The following FAM181A variants were observed in gnomAD, a reference collection of about 807,000 sequenced individuals.
FAM181A encodes protein FAM181A.
A neutral mutation model predicts 16.3 loss-of-function variants in FAM181A; 7 were observed. The observed-to-expected ratio is 0.43, with a 90% confidence interval of 0.24 to 0.81. FAM181A has a LOEUF of 0.81. FAM181A is among the 30% of genes least tolerant of loss of function. The pLI, the probability that FAM181A is intolerant of heterozygous loss-of-function variation, is 0.24. For synonymous variants in FAM181A, 183 were observed against 164.9 expected (o/e 1.11, Z -0.84); for missense variants, 349 against 377.5 (o/e 0.92, Z 0.63).
At chr14:93,927,947 CCTTT>C (rs1451393569) in intron 1 of FAM181A, among the ~76,000 whole-genome samples, 3 of 152,118 alleles carry the variant, frequency 2.0e-5, no homozygotes, top group Non-Finnish European at 4.4e-5. Context: ...ACTTGCTTGA[CCTTT>C]CTGAGCCTTG....
chr14:93,922,497 C>A (rs997494993), upstream of FAM181A: 1 of 152,076 alleles, frequency 6.6e-6, no homozygotes, highest in Admixed American at 6.5e-5. Context: ...TGAGACCAGC[C>A]TGGCCAACAT....
At chr14:93,927,485 G>A (rs1263669004) in intron 1 of FAM181A, 31 bp downstream of exon 1, 36 of 1,262,250 alleles carry the variant, frequency 2.9e-5, no homozygotes, top group East Asian at 5.7e-5. Context: ...GCTCTGGCCC[G>A]ACTGGGTGGC....
rs758540528 is a variant in FAM181A at position 93,929,133 on chromosome 14, C to G, written c.848C>G (p.Pro283Arg). 4 of 1,521,244 alleles carry G rather than the reference C, an allele frequency of 2.6e-6. No homozygotes were observed. The highest frequency in any genetic ancestry group is 4.5e-5 in the East Asian group (2 of 44,100). 94.2% of individuals were successfully genotyped at this position (1,521,244 alleles called of 1,614,324 possible). A position where few individuals can be genotyped will look rare whatever the true frequency, so the allele number is the denominator to read the frequency against. Reference protein sequence around the residue: ...KPIPTKPAVPPPIFNVFGYL With the variant: ...KPIPTKPAVPRPIFNVFGYL Reference sequence around the variant, plus strand: ...ATCCCCACCAAGCCAGCCGTGCCCCCACCCATCTTCAATGTCTTTGGCTAC... The same window carrying G: ...ATCCCCACCAAGCCAGCCGTGCCCCGACCCATCTTCAATGTCTTTGGCTAC... Residue 283 changes from proline (P) to arginine (R), a missense_variant, in exon 2 of 2, where the codon CCA (proline) becomes CGA (arginine). Coordinates refer to ENST00000556222, the MANE Select transcript of FAM181A (RefSeq NM_001207073.2).
chr14:93,927,060 A>ACACACACACACACACCCC (rs143090510), upstream of FAM181A: 302 of 154,176 alleles, frequency 2.0e-3, no homozygotes, highest in African/African-American at 6.3e-3. Flanking sequence ...ACACACACAC[A>ACACACACACACACACCCC]CCCCACCCCC....
intron 1 of FAM181A, among the ~76,000 whole-genome samples, chr14:93,921,569 C>T (rs1473942410): frequency 2.0e-5 from 3 of 152,250 alleles, no homozygotes; most frequent in Non-Finnish European, 4.4e-5. Context: ...GATAGAAATG[C>T]TGCCATTATG....
At chr14:93,925,292 A>G (rs1213114854), upstream of FAM181A, 4 of 1,613,734 alleles carry the variant, frequency 2.5e-6, no homozygotes, top group Non-Finnish European at 3.4e-6. Context: ...AAGAGAGAAG[A>G]TCTTCTGGAG....
At chr14:93,923,620 T>C (rs1887803027), upstream of FAM181A, 1 of 151,952 alleles carries the variant, frequency 6.6e-6, no homozygotes, top group Non-Finnish European at 1.5e-5. Flanking sequence ...TTGAATGGAG[T>C]TGATGCAAAG....
At position 93,928,331 on chromosome 14, in the gene FAM181A, C is replaced by T. The variant is rs777952759; in HGVS notation, c.46C>T (p.Leu16=). The T allele has an allele frequency of 7.4e-6, 12 of 1,613,866 alleles. No individual in the cohort carries two copies. Among genetic ancestry groups the T allele is most frequent in the Non-Finnish European group, 8.5e-6 (10 of 1,180,028 alleles). ...DVKMLLNFVN[L]ASSDIKAALD... ...GAAGATGCTGCTGAACTTCGTGAAC[C>T]TGGCGTCCAGCGACATCAAGGCAGC... The change falls in exon 2 of 2, where the codon CTG becomes TTG. Residue 16 remains leucine, a synonymous_variant. Coordinates refer to ENST00000556222, the MANE Select transcript of FAM181A (RefSeq NM_001207073.2).
chr14:93,924,457 T>TA (rs1318128192), upstream of FAM181A, among the ~76,000 whole-genome samples: 3 of 152,186 alleles, frequency 2.0e-5, no homozygotes, highest in Non-Finnish European at 4.4e-5. Context: ...GGGAGAGTCT[T>TA]ATGACTGGTG....
chr14:93,921,868 C>G (rs1352987330), intron 1 of FAM181A, among the ~76,000 whole-genome samples: 3 of 152,168 alleles, frequency 2.0e-5, no homozygotes, highest in African/African-American at 7.2e-5. Context: ...GGACCTTCAG[C>G]AAGTCTCCTA....
At position 93,929,168 on chromosome 14, in the gene FAM181A, C is replaced by T. The variant is rs150198804; in HGVS notation, c.*4C>T. The T allele has an allele frequency of 1.1e-4, 168 of 1,512,744 alleles. No homozygotes were observed. In the Middle Eastern group the frequency reaches 4.7e-3, roughly 42 times the overall value. The allele number at this position is 1,512,744 out of a possible 1,614,324, so 93.7% of individuals were successfully genotyped here. A position where few individuals can be genotyped will look rare whatever the true frequency, so the allele number is the denominator to read the frequency against. On this transcript the variant is annotated 3_prime_UTR_variant, in exon 2 of 2. Transcript: ENST00000556222. ...CAATGTCTTTGGCTACCTCTAGCCA[C>T]GCGGAGAGGGCCTCAGCCCCCACCT...
chr14:93,921,907 C>T (rs1347353272), intron 1 of FAM181A, among the ~76,000 whole-genome samples: 1 of 152,208 alleles, frequency 6.6e-6, no homozygotes, highest in Non-Finnish European at 1.5e-5. Flanking sequence ...CTTCCTCATC[C>T]ATTAAAGAGA....
upstream of FAM181A, chr14:93,927,060 A>ACACACC (rs143090510): frequency 5.8e-5 from 9 of 154,084 alleles, no homozygotes; most frequent in Admixed American, 2.6e-4. Flanking sequence ...ACACACACAC[A>ACACACC]CCCCACCCCC....
chr14:93,927,693 TG>T, intron 1 of FAM181A: 1 of 953,408 alleles, frequency 1.0e-6, no homozygotes, highest in Non-Finnish European at 1.2e-6. Context: ...GGGTGGAGCG[TG>T]GGGACTGAGG....
At position 93,928,690 on chromosome 14, in the gene FAM181A, G is replaced by C; in HGVS notation, c.405G>C (p.Leu135=). The C allele has an allele frequency of 6.2e-7, 1 of 1,613,968 alleles. No homozygotes were observed. The highest frequency in any genetic ancestry group is 1.3e-5 in the African/African-American group (1 of 75,048). ...PGQVPMRKRQ[L]PASFWEEPRP... Reference sequence around the variant, plus strand: ...AGGTGCCCATGAGGAAAAGACAGCTGCCCGCTTCCTTCTGGGAAGAGCCAA... The same window carrying C: ...AGGTGCCCATGAGGAAAAGACAGCTCCCCGCTTCCTTCTGGGAAGAGCCAA... The change falls in exon 2 of 2, where the codon CTG becomes CTC. Residue 135 remains leucine, a synonymous_variant. Coordinates refer to ENST00000556222, the MANE Select transcript of FAM181A (RefSeq NM_001207073.2).
chr14:93,919,692 C>T (rs1303727871), intron 1 of FAM181A, among the ~76,000 whole-genome samples: 1 of 152,188 alleles, frequency 6.6e-6, no homozygotes, highest in Non-Finnish European at 1.5e-5. Context: ...CGTGGGTCTT[C>T]TTGTTGCCGA....
rs879258593 is a variant in FAM181A, at chr14:93,929,070, T to C, written c.785T>C (p.Leu262Pro). 18 of 1,578,522 alleles carry C rather than the reference T, an allele frequency of 1.1e-5. No homozygotes were observed. The highest frequency in any genetic ancestry group is 1.5e-5 in the Non-Finnish European group (18 of 1,161,460). Residue 262 changes from leucine (L) to proline (P), a missense_variant, in exon 2 of 2, where the codon CTG (leucine) becomes CCG (proline). Leu to Pro is a moderately conservative substitution (Grantham distance 98). Coordinates refer to ENST00000556222, the MANE Select transcript of FAM181A (RefSeq NM_001207073.2). The stretch of plus-strand genomic sequence containing the variant: ...CACCTCTGCAAGGATGTGGACGGCC[T>C]GGGGCAGAAGGTGTGCAGGCCCGTG... ...LAHLCKDVDGLGQKVCRPVVL... is the reference protein window; with the variant it reads ...LAHLCKDVDGPGQKVCRPVVL...
At position 93,929,253 on chromosome 14, in the gene FAM181A, A is replaced by G; in HGVS notation, c.*89A>G. On this transcript the variant is annotated 3_prime_UTR_variant, in exon 2 of 2. Transcript: ENST00000556222. ...TCTCCTGTGAGGAGGTGGCTGGGCC[A>G]CAGTGTGGCCTCTTCCGTTTGTGTG... is the stretch of plus-strand genomic sequence containing the variant. 6.8e-7 allele frequency: 1 copy of G among 1,467,678 alleles called. No individual in the cohort carries two copies. Among genetic ancestry groups the G allele is most frequent in the Non-Finnish European group, 9.0e-7 (1 of 1,109,906 alleles). 90.9% of individuals were successfully genotyped at this position (1,467,678 alleles called of 1,614,324 possible).
chr14:93,928,114 CTG>C (rs1315982552), intron 1 of FAM181A, 83 bp from the exon 2 acceptor site: 1 of 1,544,490 alleles, frequency 6.5e-7, no homozygotes, highest in Non-Finnish European at 8.7e-7. Context: ...GGTGGGGAGA[CTG>C]TTTGTAGACA....
Sources: allele counts gnomAD v4.1 joint callset (sites outside exome capture counted in the v4.1 genomes callset), GRCh38; gene constraint gnomAD v4.1.1; transcripts MANE v1.5; gene names NCBI Gene and HGNC (gene_info 2026-07-23, HGNC 2026-07-21).